Variants in GALNT13 observed in about 807,000 individuals in gnomAD.
GALNT13 encodes polypeptide N-acetylgalactosaminyltransferase 13.
GALNT13 carries 28 observed loss-of-function variants against 64.2 expected under a neutral mutation model. The ratio of observed to expected loss-of-function variants is 0.44; its 90% CI spans 0.32 to 0.60. The LOEUF is 0.60. Ranked by LOEUF, GALNT13 falls within the 20% of genes least tolerant of loss-of-function variation. The pLI is 0.05. For missense variants in GALNT13, 577 were observed against 669.8 expected (o/e 0.86, Z 1.53); for synonymous variants, 214 against 224.6 (o/e 0.95, Z 0.42).
chr2:153,776,183 A>G, the GALNT13 span, among the ~76,000 whole-genome samples: 1 of 152,232 alleles, frequency 6.6e-6, no homozygotes, highest in African/African-American at 2.4e-5. Flanking sequence ...AAATAATGAA[A>G]TCTGCTGTTT....
Position 154,409,040 on chromosome 2 carries a change from A to C in GALNT13, c.1353A>C (p.Glu451Asp), listed in dbSNP as rs2105392520. Reference protein sequence around the residue: ...CLDNMGRKENEKVGIFNCHGM... With the variant: ...CLDNMGRKENDKVGIFNCHGM... ...ACAACATGGGCCGCAAGGAAAATGA[A>C]AAAGTGGGTATATTCAACTGTCATG... Residue 451 changes from glutamate (E) to aspartate (D), a missense_variant, in exon 11 of 13, where the codon GAA (glutamate) becomes GAC (aspartate). Coordinates refer to ENST00000392825, the MANE Select transcript of GALNT13 (RefSeq NM_052917.4). The C allele has an allele frequency of 6.2e-7, 1 of 1,611,508 alleles. No individual in the cohort carries two copies. The highest frequency in any genetic ancestry group is 1.7e-5 in the Admixed American group (1 of 59,806).
At chr2:153,267,475 C>T in the GALNT13 span, among the ~76,000 whole-genome samples, 1 of 152,194 alleles carries the variant, frequency 6.6e-6, no homozygotes, top group African/African-American at 2.4e-5. Flanking sequence ...GGCCCAACAC[C>T]ACCTGGAAGC....
At chr2:154,188,520 C>A (rs923415294) in intron 4 of GALNT13, among the ~76,000 whole-genome samples, 1 of 152,084 alleles carries the variant, frequency 6.6e-6, no homozygotes, top group Non-Finnish European at 1.5e-5. Context: ...CAAAAAGATG[C>A]TATGATTGTG....
At chr2:153,535,400 A>G in the GALNT13 span, among the ~76,000 whole-genome samples, 4 of 152,098 alleles carry the variant, frequency 2.6e-5, no homozygotes, top group Admixed American at 1.3e-4. Context: ...GCACCAGGAG[A>G]TATCAGCTGT....
At chr2:153,901,807 TTAAAAA>T (rs1246333912) in intron 2 of GALNT13, among the ~76,000 whole-genome samples, 3 of 152,158 alleles carry the variant, frequency 2.0e-5, no homozygotes, top group Non-Finnish European at 4.4e-5. Context: ...TAGAGAAAAC[TTAAAAA>T]TATATAACAG....
chr2:153,266,573 G>GCA, the GALNT13 span, among the ~76,000 whole-genome samples: 1 of 151,348 alleles, frequency 6.6e-6, no homozygotes, highest in South Asian at 2.1e-4. Context: ...CAAGGTGGCA[G>GCA]GAGAGAGAGA....
chr2:153,776,244 A>C, the GALNT13 span, among the ~76,000 whole-genome samples: 1 of 152,182 alleles, frequency 6.6e-6, no homozygotes, highest in African/African-American at 2.4e-5. Flanking sequence ...TATTTTTGAA[A>C]ATTTTATCCA....
the GALNT13 span, among the ~76,000 whole-genome samples, chr2:153,698,611 A>G: frequency 1.5e-3 from 231 of 152,280 alleles, no homozygotes; most frequent in African/African-American, 5.3e-3. Flanking sequence ...ACAGACCTAC[A>G]AAGAGACTTA....
intron 4 of GALNT13, among the ~76,000 whole-genome samples, chr2:154,192,939 T>G (rs548450520): frequency 6.6e-6 from 1 of 152,218 alleles, no homozygotes; most frequent in African/African-American, 2.4e-5. Context: ...TGGGATTTGT[T>G]GAGTTCTTTA....
At chr2:154,121,738 T>C (rs1463413717) in intron 3 of GALNT13, among the ~76,000 whole-genome samples, 1 of 151,448 alleles carries the variant, frequency 6.6e-6, no homozygotes, top group Non-Finnish European at 1.5e-5. Context: ...TTTCGGGAAT[T>C]TTTTTTTTCT....
At chr2:154,344,933 C>G (rs146304660) in intron 9 of GALNT13, among the ~76,000 whole-genome samples, 259 of 152,050 alleles carry the variant, frequency 1.7e-3, no homozygotes, top group African/African-American at 6.0e-3. Context: ...AGGACTCCTC[C>G]AAGCACTGTG....
chr2:154,141,380 ACC>A (rs1204750744), intron 4 of GALNT13, among the ~76,000 whole-genome samples: 4 of 152,148 alleles, frequency 2.6e-5, no homozygotes, highest in Non-Finnish European at 5.9e-5. Flanking sequence ...ATTAATACTT[ACC>A]TTAAAACACA....
the GALNT13 span, among the ~76,000 whole-genome samples, chr2:153,676,733 G>T: frequency 6.6e-6 from 1 of 151,950 alleles, no homozygotes; most frequent in African/African-American, 2.4e-5. Context: ...ATATGCAAAT[G>T]AACACATGTG....
chr2:154,085,146 A>G (rs184453041), intron 3 of GALNT13, among the ~76,000 whole-genome samples: 1 of 152,114 alleles, frequency 6.6e-6, no homozygotes, highest in Admixed American at 6.6e-5. Flanking sequence ...AATATTTGGC[A>G]GGATTAATTC....
chr2:153,536,851 C>G, the GALNT13 span, among the ~76,000 whole-genome samples: 1 of 151,824 alleles, frequency 6.6e-6, no homozygotes, highest in Non-Finnish European at 1.5e-5. Flanking sequence ...ATTATTCTTG[C>G]AATAAAATAC....
At chr2:153,127,208 T>C in the GALNT13 span, among the ~76,000 whole-genome samples, 2 of 152,302 alleles carry the variant, frequency 1.3e-5, no homozygotes, top group Admixed American at 6.5e-5. Context: ...ATCCTATGAG[T>C]TTATTTTGCA....
At chr2:153,988,899 T>C (rs1488860070) in intron 3 of GALNT13, among the ~76,000 whole-genome samples, 1 of 151,992 alleles carries the variant, frequency 6.6e-6, no homozygotes, top group Non-Finnish European at 1.5e-5. Flanking sequence ...GAGATGGTAG[T>C]AAAAATGGAG....
chr2:153,634,063 A>C, the GALNT13 span, among the ~76,000 whole-genome samples: 1 of 152,312 alleles, frequency 6.6e-6, no homozygotes, highest in East Asian at 1.9e-4. Flanking sequence ...ATGCAGAAGA[A>C]TTTCCATAAC....
chr2:153,129,400 C>T, the GALNT13 span, among the ~76,000 whole-genome samples: 1 of 152,114 alleles, frequency 6.6e-6, no homozygotes. Flanking sequence ...TTACTTTTTA[C>T]AGATTCAGGC....
Sources: gnomAD v4.1 joint callset for allele counts (sites outside exome capture counted in the v4.1 genomes callset) on GRCh38, gnomAD v4.1.1 for gene constraint, MANE v1.5 for transcripts, NCBI Gene and HGNC (gene_info 2026-07-23, HGNC 2026-07-21) for gene names.